Variants in FANCC observed in about 807,000 individuals in gnomAD.
FANCC encodes Fanconi anemia group C protein.
In FANCC, 55 loss-of-function variants were observed where a neutral mutation model predicts 71.3. The observed-to-expected ratio is 0.77, with a 90% CI of 0.62 to 0.97. The LOEUF (loss-of-function observed/expected upper bound fraction) is 0.97, where lower values mean the gene tolerates loss of function less well. FANCC is among the 50% of genes least tolerant of loss of function. The pLI, the probability that FANCC is intolerant of heterozygous loss-of-function variation, is 0.00. For missense variants in FANCC, 678 were observed against 670.9 expected (o/e 1.01, Z -0.12); for synonymous variants, 275 against 244.9 (o/e 1.12, Z -1.15).
At chr9:95,231,558 T>C (rs1034244568) in intron 4 of FANCC, among the ~76,000 whole-genome samples, 1 of 152,120 alleles carries the variant, frequency 6.6e-6, no homozygotes, top group Non-Finnish European at 1.5e-5. Flanking sequence ...TTTCACCCAA[T>C]AAAACCCAGT....
At chr9:95,275,002 T>G (rs1410352938) in intron 1 of FANCC, among the ~76,000 whole-genome samples, 1 of 151,632 alleles carries the variant, frequency 6.6e-6, no homozygotes, top group South Asian at 2.1e-4. Context: ...TGGTGGCTCA[T>G]GCTTGTAATC....
At chr9:95,164,096 G>C (rs1448635554) in intron 6 of FANCC, among the ~76,000 whole-genome samples, 2 of 152,144 alleles carry the variant, frequency 1.3e-5, no homozygotes, top group African/African-American at 4.8e-5. Context: ...AATGCAACTG[G>C]TTTTGTGTGT....
chr9:95,285,505 T>C (rs924914036), intron 1 of FANCC, among the ~76,000 whole-genome samples: 1 of 152,118 alleles, frequency 6.6e-6, no homozygotes, highest in South Asian at 2.1e-4. Flanking sequence ...GCTGACTAAA[T>C]GAAAAATAAC....
chr9:95,253,355 GT>G (rs1296892353), intron 1 of FANCC, among the ~76,000 whole-genome samples: 6 of 152,142 alleles, frequency 3.9e-5, no homozygotes, highest in Admixed American at 1.3e-4. Context: ...GTCTTGACAG[GT>G]AGAACTCAGT....
intron 7 of FANCC, among the ~76,000 whole-genome samples, chr9:95,138,973 T>C (rs1019662522): frequency 3.9e-5 from 6 of 152,214 alleles, no homozygotes; most frequent in African/African-American, 1.2e-4. Flanking sequence ...GACCTGTGTT[T>C]AATATTTGGA....
chr9:95,253,689 G>A lies in FANCC; in HGVS notation c.-78-4320C>T, dbSNP rs986334374. On this transcript the variant is annotated intron_variant, in intron 1 of 14. Coordinates refer to ENST00000289081, the MANE Select transcript of FANCC (RefSeq NM_000136.3). Reference sequence around the variant, plus strand: ...TTTTTTATTCCCATAGGTTTTGGGGGAACAGGTGGTATTTGGTTACACGGT... The same window carrying A: ...TTTTTTATTCCCATAGGTTTTGGGGAAACAGGTGGTATTTGGTTACACGGT... Among the ~76,000 whole-genome samples, 3 of 152,022 alleles carry A rather than the reference G, an allele frequency of 2.0e-5. No homozygotes were observed. In the East Asian group the frequency reaches 5.8e-4, roughly 29 times the overall value.
intron 3 of FANCC, among the ~76,000 whole-genome samples, chr9:95,246,774 T>C (rs1409924339): frequency 6.6e-6 from 1 of 152,160 alleles, no homozygotes; most frequent in Non-Finnish European, 1.5e-5. Flanking sequence ...ACAAAGTGCC[T>C]TCAGGCACTG....
intron 8 of FANCC, among the ~76,000 whole-genome samples, chr9:95,128,951 C>A (rs1010502695): frequency 2.0e-5 from 3 of 151,610 alleles, no homozygotes; most frequent in Admixed American, 6.6e-5. Context: ...TGTTGCCAGG[C>A]TGGAGTGCAG....
At chr9:95,194,696 A>G (rs1827313534) in intron 4 of FANCC, among the ~76,000 whole-genome samples, 1 of 151,824 alleles carries the variant, frequency 6.6e-6, no homozygotes, top group Non-Finnish European at 1.5e-5. Flanking sequence ...CCATTTTCTA[A>G]CTGGGTTGTT....
Position 95,101,131 on chromosome 9 carries a change from G to A in FANCC, c.*576C>T, listed in dbSNP as rs1057515701. ...AGTGGAAAGAGTGTGCCGGAGGCCC[G>A]GGCTTGGGTGTGCTGTCTGCTCCTG... On this transcript the variant is annotated 3_prime_UTR_variant, in exon 15 of 15. Transcript: ENST00000289081. 2.5e-5 allele frequency: 6 copies of A among 239,636 alleles called. No individual in the cohort carries two copies. The highest frequency in any genetic ancestry group is 1.8e-4 in the East Asian group (3 of 16,944). 14.8% of individuals were successfully genotyped at this position (239,636 alleles called of 1,614,324 possible).
At chr9:95,139,853 A>AAT (rs965892145) in intron 7 of FANCC, among the ~76,000 whole-genome samples, 7 of 144,416 alleles carry the variant, frequency 4.8e-5, no homozygotes, top group African/African-American at 7.6e-5. Flanking sequence ...TATATATATA[A>AAT]ATATATATAT....
intron 8 of FANCC, among the ~76,000 whole-genome samples, chr9:95,133,112 C>T (rs1305950821): frequency 6.6e-6 from 1 of 152,192 alleles, no homozygotes; most frequent in Non-Finnish European, 1.5e-5. Flanking sequence ...TACTGCACTG[C>T]GATAAATGAA....
At position 95,247,342 on chromosome 9, in the gene FANCC, A is replaced by C; in HGVS notation, c.250+90T>G. 3 of 962,088 alleles carry C rather than the reference A, an allele frequency of 3.1e-6. No individual in the cohort carries two copies. The South Asian group carries it at 4.2e-5, about 13-fold the overall frequency. 59.6% of individuals were successfully genotyped at this position (962,088 alleles called of 1,614,324 possible). ...ATAAGTTGTTCCATTAAAAAAAAAA[A>C]ACTAGGAGAAAGGTTCATAATGTAA... On this transcript the variant is annotated intron_variant, in intron 3 of 14. Coordinates refer to ENST00000289081, the MANE Select transcript of FANCC (RefSeq NM_000136.3).
chr9:95,281,842 T>C (rs576593295), intron 1 of FANCC, among the ~76,000 whole-genome samples: 72 of 151,508 alleles, frequency 4.8e-4, no homozygotes, highest in African/African-American at 1.7e-3. Flanking sequence ...CAGTGTAAAA[T>C]AACCTTTTAT....
chr9:95,134,819 C>T (rs1200037534), intron 8 of FANCC, among the ~76,000 whole-genome samples: 2 of 152,092 alleles, frequency 1.3e-5, no homozygotes, highest in East Asian at 1.9e-4. Context: ...CAGTCCTGAG[C>T]GGGAAGGGAG....
chr9:95,133,711 C>T (rs919872949), intron 8 of FANCC, among the ~76,000 whole-genome samples: 2 of 152,184 alleles, frequency 1.3e-5, no homozygotes, highest in African/African-American at 4.8e-5. Context: ...ATGTCATAAG[C>T]ACCCTGGAAG....
At chr9:95,263,775 T>G (rs1446016795) in intron 1 of FANCC, among the ~76,000 whole-genome samples, 15 of 152,266 alleles carry the variant, frequency 9.9e-5, no homozygotes, top group East Asian at 1.9e-4. Context: ...TAAAAGGGTC[T>G]CGGGGACCCT....
At chr9:95,236,562 A>G (rs553851454) in intron 4 of FANCC, among the ~76,000 whole-genome samples, 79 of 152,358 alleles carry the variant, frequency 5.2e-4, no homozygotes, top group Non-Finnish European at 9.8e-4. Context: ...TAACATGTCA[A>G]GTGTCAAACA....
chr9:95,119,700 T>C (rs1320661801), intron 10 of FANCC, among the ~76,000 whole-genome samples: 2 of 152,124 alleles, frequency 1.3e-5, no homozygotes, highest in East Asian at 3.9e-4. Context: ...TATCAAAGAA[T>C]AGAAATTTTA....
Sources: gnomAD v4.1 joint callset for allele counts (sites outside exome capture counted in the v4.1 genomes callset) on GRCh38, gnomAD v4.1.1 for gene constraint, MANE v1.5 for transcripts, NCBI Gene and HGNC (gene_info 2026-07-23, HGNC 2026-07-21) for gene names.